The following RAI1 variants were observed in gnomAD, a reference collection of about 807,000 sequenced individuals.
RAI1 encodes the protein retinoic acid induced 1.
Under a neutral mutation model 123.8 loss-of-function variants are expected in RAI1, and 9 were observed. The ratio of observed to expected loss-of-function variants is 0.07; its 90% CI spans 0.04 to 0.13. The LOEUF (loss-of-function observed/expected upper bound fraction) is 0.13, where lower values mean the gene tolerates loss of function less well. Among genes scored for constraint, RAI1 ranks in the 10% least tolerant of loss-of-function variants. The probability of loss-of-function intolerance (pLI) is 1.00; values close to 1 mark genes in which losing one functional copy is unlikely to be tolerated. For missense variants in RAI1, 2,256 were observed against 2,545.8 expected (o/e 0.89, Z 2.45); for synonymous variants, 1,231 against 1,127.3 (o/e 1.09, Z -1.84).
At chr17:17,705,158 A>G (rs544859567) in intron 1 of RAI1, among the ~76,000 whole-genome samples, 15 of 152,312 alleles carry the variant, frequency 9.8e-5, no homozygotes, top group South Asian at 8.3e-4. Context: ...CATCATCATC[A>G]TCATCATCAC....
rs2143006574 is a variant in RAI1 at position 17,809,447 on chromosome 17, A to G, written c.5709+8A>G. 2 of 1,593,386 alleles carry G rather than the reference A, an allele frequency of 1.3e-6. No individual in the cohort carries two copies. The highest frequency in any genetic ancestry group is 1.7e-6 in the Non-Finnish European group (2 of 1,161,472). On this transcript the variant is annotated splice_region_variant and intron_variant, in intron 5 of 5. Transcript: ENST00000353383. The surrounding 1 kb of genome is among the most constrained non-coding windows in gnomAD (Gnocchi z 4.9). ...AAATGTCCCAAACATAAGGTAGGGG[A>G]CCACAGTGTTTTGTAGGGCGAGGGG...
At chr17:17,723,106 C>G (rs71367413) in intron 1 of RAI1, among the ~76,000 whole-genome samples, 9,626 of 152,236 alleles carry the variant, frequency 0.063, 464 homozygotes, top group Non-Finnish European at 0.1. Flanking sequence ...ACACACCCAC[C>G]AGCCCACTCG....
At chr17:17,806,064 C>T (rs1378297280) in intron 4 of RAI1, among the ~76,000 whole-genome samples, 2 of 152,264 alleles carry the variant, frequency 1.3e-5, no homozygotes, top group African/African-American at 4.8e-5. Context: ...CCAAGGGGCT[C>T]ACCCTTGAGT....
Position 17,797,525 on chromosome 17 carries a change from C to T in RAI1, c.4577C>T (p.Pro1526Leu). Reference protein sequence around the residue: ...CQPQTRAQKQPGHTNYSSYSK... With the variant: ...CQPQTRAQKQLGHTNYSSYSK... The stretch of plus-strand genomic sequence containing the variant: ...CCCCAGACAAGGGCACAGAAACAGC[C>T]AGGCCACACCAACTACAGCAGCTAT... Residue 1526 changes from proline to leucine, a missense_variant, in exon 3 of 6, where the codon CCA becomes CTA. Transcript: ENST00000353383. 6.2e-7 allele frequency: 1 copy of T among 1,613,918 alleles called. No individual in the cohort carries two copies. The highest frequency in any genetic ancestry group is 8.5e-7 in the Non-Finnish European group (1 of 1,179,914).
intron 1 of RAI1, among the ~76,000 whole-genome samples, chr17:17,699,633 G>T (rs921448091): frequency 3.3e-5 from 5 of 150,554 alleles, no homozygotes; most frequent in East Asian, 1.9e-4. Context: ...GGGGGCCGGG[G>T]GGGGGGGAAT....
At chr17:17,759,829 T>C (rs1390755382) in intron 2 of RAI1, among the ~76,000 whole-genome samples, 3 of 152,200 alleles carry the variant, frequency 2.0e-5, no homozygotes, top group Non-Finnish European at 4.4e-5. Flanking sequence ...GTGGAAGCTG[T>C]GTCCGTGAAG....
At chr17:17,686,602 T>TGCGCGC (rs1555552144) in intron 1 of RAI1, among the ~76,000 whole-genome samples, 1 of 143,684 alleles carries the variant, frequency 7.0e-6, no homozygotes, top group African/African-American at 2.7e-5. Flanking sequence ...TGTGTGTGTG[T>TGCGCGC]GTGTGTGCAC....
chr17:17,766,188 A>G (rs1374413850), intron 2 of RAI1: 2 of 152,174 alleles, frequency 1.3e-5, no homozygotes, highest in East Asian at 1.9e-4. Flanking sequence ...TAAGAAACAT[A>G]TGGCCTAGTT....
At chr17:17,684,827 AGGTT>A (rs1914576389) in intron 1 of RAI1, 1 of 150,698 alleles carries the variant, frequency 6.6e-6, no homozygotes, top group Non-Finnish European at 1.5e-5. Flanking sequence ...TGTCTTGGAG[AGGTT>A]GGTTGTGTGG....
intron 2 of RAI1, 95 bp from the exon 3 acceptor site, chr17:17,792,838 A>T: frequency 9.8e-7 from 1 of 1,020,678 alleles, no homozygotes; most frequent in South Asian, 1.4e-5. Flanking sequence ...GGCAAAAGGA[A>T]GTGGCCCGTC....
In RAI1 at chr17:17,685,143, C is replaced by G. The variant is rs1032213587; in HGVS notation, c.-149+3350C>G. On this transcript the variant is annotated intron_variant, in intron 1 of 5. Coordinates refer to ENST00000353383, the MANE Select transcript of RAI1 (RefSeq NM_030665.4). This position sits in a 1 kb window ranked among gnomAD's most constrained non-coding sequence, Gnocchi z 4.0. ...CTGCCTGTGGCCATGGCATGGGTGT[C>G]TTTTTCCTCCCCTATCCAACGTGTG... 2 of 152,250 alleles carry G rather than the reference C, an allele frequency of 1.3e-5. No homozygotes were observed. The highest frequency in any genetic ancestry group is 4.8e-5 in the African/African-American group (2 of 41,446). 9.4% of individuals were successfully genotyped at this position (152,250 alleles called of 1,614,324 possible). A position where few individuals can be genotyped will look rare whatever the true frequency, so the allele number is the denominator to read the frequency against.
chr17:17,700,801 C>A (rs2142886491), intron 1 of RAI1, among the ~76,000 whole-genome samples: 1 of 131,792 alleles, frequency 7.6e-6, no homozygotes, highest in South Asian at 2.3e-4. Flanking sequence ...CGTTCAACCG[C>A]GCCGGCTTCG....
intron 1 of RAI1, among the ~76,000 whole-genome samples, chr17:17,699,230 T>C (rs929672504): frequency 6.6e-6 from 1 of 152,126 alleles, no homozygotes; most frequent in Non-Finnish European, 1.5e-5. Flanking sequence ...CTTTTTGCGC[T>C]CCCTGCCAGG....
At chr17:17,715,462 C>G (rs1454329211) in intron 1 of RAI1, among the ~76,000 whole-genome samples, 1 of 152,194 alleles carries the variant, frequency 6.6e-6, no homozygotes, top group Non-Finnish European at 1.5e-5. Context: ...GCAGAGTTAG[C>G]TCCAGCTCTG....
At chr17:17,684,682 ATATATATATATATATATATATATATG>A (rs1196549464) in intron 1 of RAI1, 2 of 44,722 alleles carry the variant, frequency 4.5e-5, no homozygotes, top group African/African-American at 1.6e-4. Context: ...ATATATATAT[ATATATATATATATATATATATATATG>A]TATGTATGTA....
chr17:17,743,525 C>T (rs1290286832), intron 2 of RAI1, among the ~76,000 whole-genome samples: 1 of 152,236 alleles, frequency 6.6e-6, no homozygotes, highest in Non-Finnish European at 1.5e-5. Context: ...CCCGCAGCAG[C>T]CCATCACTGC....
chr17:17,694,835 C>T (rs1361456621), intron 1 of RAI1, among the ~76,000 whole-genome samples: 2 of 151,214 alleles, frequency 1.3e-5, no homozygotes, highest in African/African-American at 2.4e-5. Flanking sequence ...CGGGGCGGGG[C>T]GGGGTGCTGA....
intron 1 of RAI1, among the ~76,000 whole-genome samples, chr17:17,721,425 A>G (rs550291067): frequency 6.6e-6 from 1 of 152,320 alleles, no homozygotes; most frequent in South Asian, 2.1e-4. Context: ...GAAGGTAGGG[A>G]ACAGCATTCC....
In RAI1 at chr17:17,809,873, G is replaced by T; in HGVS notation, c.5710-97G>T. ...CCCAGCCGCGCTCTGGGGTCGCCTG[G>T]GTCTGGGGCTTAGGCGGGGGGCCCA... On this transcript the variant is annotated intron_variant, in intron 5 of 5. Transcript: ENST00000353383. This position sits in a 1 kb window ranked among gnomAD's most constrained non-coding sequence, Gnocchi z 4.9. The T allele has an allele frequency of 6.5e-7, 1 of 1,530,496 alleles. No homozygotes were observed. Among genetic ancestry groups the T allele is most frequent in the Non-Finnish European group, 8.8e-7 (1 of 1,131,956 alleles). 94.8% of individuals were successfully genotyped at this position (1,530,496 alleles called of 1,614,324 possible).
Sources: allele counts gnomAD v4.1 joint callset (sites outside exome capture counted in the v4.1 genomes callset), GRCh38; gene constraint gnomAD v4.1.1; non-coding constraint Gnocchi (gnomAD v3.1); transcripts MANE v1.5; gene names NCBI Gene and HGNC (gene_info 2026-07-23, HGNC 2026-07-21).